KCNIP4: variants seen among roughly 807,000 people sequenced by gnomAD.
The protein encoded by KCNIP4 is potassium voltage-gated channel interacting protein 4.
KCNIP4 carries 12 observed loss-of-function variants against 34.0 expected under a neutral mutation model. That is an observed-to-expected ratio of 0.35 (90% CI 0.23 to 0.57). KCNIP4 has a LOEUF of 0.57. KCNIP4 is among the 20% of genes least tolerant of loss of function. KCNIP4 has a pLI of 0.83. For missense variants in KCNIP4, 238 were observed against 311.7 expected (o/e 0.76, Z 1.78); for synonymous variants, 124 against 102.2 (o/e 1.21, Z -1.29).
intron 1 of KCNIP4, among the ~76,000 whole-genome samples, chr4:21,629,377 T>C (rs1464358341): frequency 6.6e-6 from 1 of 152,222 alleles, no homozygotes; most frequent in Non-Finnish European, 1.5e-5. Context: ...TTAGCTTGCC[T>C]AGTTTCATGG....
chr4:21,879,912 C>CT (rs1272131395), intron 1 of KCNIP4, among the ~76,000 whole-genome samples: 3 of 151,996 alleles, frequency 2.0e-5, no homozygotes, highest in African/African-American at 7.2e-5. Context: ...TTATAAGGGG[C>CT]TTTTTTTCCC....
intron 1 of KCNIP4, among the ~76,000 whole-genome samples, chr4:21,302,877 T>C (rs186177966): frequency 1.3e-5 from 2 of 152,300 alleles, no homozygotes; most frequent in African/African-American, 4.8e-5. Context: ...GTAAATACAT[T>C]TATAATGTAT....
At position 21,883,715 on chromosome 4, in the gene KCNIP4, G is replaced by A. The variant is rs569379120; in HGVS notation, c.61+64856C>T. Among the ~76,000 whole-genome samples, 5 of 151,918 alleles carry A rather than the reference G, an allele frequency of 3.3e-5. No individual in the cohort carries two copies. In the East Asian group the frequency reaches 9.7e-4, roughly 30 times the overall value. ...TATCCACATTCTGTATCTTTTTTCGGCTATAGGCTTATTGAAAAATAGGGT... is the reference window on the plus strand; with the variant it reads ...TATCCACATTCTGTATCTTTTTTCGACTATAGGCTTATTGAAAAATAGGGT... On this transcript the variant is annotated intron_variant, in intron 1 of 8. Transcript: ENST00000382152.
intron 1 of KCNIP4, among the ~76,000 whole-genome samples, chr4:21,100,269 G>A (rs1747819167): frequency 6.6e-6 from 1 of 152,074 alleles, no homozygotes. Context: ...CCACAGCCTT[G>A]GCTGGGCACG....
chr4:21,833,653 C>T (rs1295827669), intron 1 of KCNIP4, among the ~76,000 whole-genome samples: 54 of 151,936 alleles, frequency 3.6e-4, no homozygotes, highest in South Asian at 1.9e-3. Context: ...GTTTTAGACA[C>T]GAAGTCCTTG....
chr4:21,802,634 T>A (rs1238429640), intron 1 of KCNIP4, among the ~76,000 whole-genome samples: 1 of 152,194 alleles, frequency 6.6e-6, no homozygotes, highest in Non-Finnish European at 1.5e-5. Context: ...TACTCATTGT[T>A]GTTTATCTTC....
chr4:21,716,527 C>G (rs1714395027), intron 1 of KCNIP4, among the ~76,000 whole-genome samples: 1 of 151,998 alleles, frequency 6.6e-6, no homozygotes, highest in Non-Finnish European at 1.5e-5. Flanking sequence ...GGAGCCACTG[C>G]CACCGTGCTG....
At chr4:21,260,451 A>G (rs923965620) in intron 1 of KCNIP4, among the ~76,000 whole-genome samples, 1 of 152,188 alleles carries the variant, frequency 6.6e-6, no homozygotes, top group African/African-American at 2.4e-5. Context: ...TTTGAATGAC[A>G]TGCCCATGAC....
At chr4:21,778,763 C>T (rs950675503) in intron 1 of KCNIP4, among the ~76,000 whole-genome samples, 3 of 152,048 alleles carry the variant, frequency 2.0e-5, no homozygotes, top group African/African-American at 7.2e-5. Context: ...AAGTATACTC[C>T]AGTGAAGTAA....
At chr4:21,214,533 T>C (rs1353193329) in intron 1 of KCNIP4, among the ~76,000 whole-genome samples, 4 of 152,214 alleles carry the variant, frequency 2.6e-5, no homozygotes, top group Non-Finnish European at 2.9e-5. Flanking sequence ...ATGTTTCCAC[T>C]AGTTTGATTA....
intron 1 of KCNIP4, among the ~76,000 whole-genome samples, chr4:21,582,673 T>G (rs538168488): frequency 3.9e-5 from 6 of 152,076 alleles, no homozygotes; most frequent in Admixed American, 3.9e-4. Context: ...TGAGTTAAAA[T>G]GTTTCTTTAT....
intron 1 of KCNIP4, among the ~76,000 whole-genome samples, chr4:21,755,939 A>AT (rs1482571625): frequency 2.9e-4 from 44 of 152,242 alleles, no homozygotes; most frequent in African/African-American, 1.0e-3. Context: ...TTTCCCTTAG[A>AT]TTTTATTAGA....
intron 1 of KCNIP4, among the ~76,000 whole-genome samples, chr4:21,187,890 A>C (rs1755358851): frequency 6.6e-6 from 1 of 152,196 alleles, no homozygotes; most frequent in East Asian, 1.9e-4. Flanking sequence ...CCCAGGGCTG[A>C]AAACTGTACC....
At chr4:20,851,371 T>G (rs1440612951) in intron 2 of KCNIP4, among the ~76,000 whole-genome samples, 1 of 152,188 alleles carries the variant, frequency 6.6e-6, no homozygotes, top group African/African-American at 2.4e-5. Context: ...TCTCTGTCCT[T>G]TTTATGGCTG....
At chr4:21,884,958 C>CCA (rs386356730) in intron 1 of KCNIP4, among the ~76,000 whole-genome samples, 1 of 150,976 alleles carries the variant, frequency 6.6e-6, no homozygotes, top group Admixed American at 6.6e-5. Flanking sequence ...GCCTCCCCCC[C>CCA]ACTACTGTTA....
intron 1 of KCNIP4, among the ~76,000 whole-genome samples, chr4:21,838,659 G>A (rs116148735): frequency 6.6e-6 from 1 of 152,270 alleles, no homozygotes; most frequent in Non-Finnish European, 1.5e-5. Flanking sequence ...ACAGCCATCA[G>A]CACTATGTTC....
At chr4:21,539,756 G>A (rs574960471) in intron 1 of KCNIP4, among the ~76,000 whole-genome samples, 6 of 152,162 alleles carry the variant, frequency 3.9e-5, no homozygotes, top group South Asian at 4.2e-4. Context: ...CCAGGCAGGC[G>A]GATCCCGAGG....
At chr4:21,568,608 G>A (rs1225858105) in intron 1 of KCNIP4, among the ~76,000 whole-genome samples, 1 of 152,112 alleles carries the variant, frequency 6.6e-6, no homozygotes, top group Admixed American at 6.5e-5. Context: ...TCTTTCTCCT[G>A]TGCTGGATGC....
intron 1 of KCNIP4, among the ~76,000 whole-genome samples, chr4:21,150,281 A>ATGTGTGTGTTTC (rs1752666444): frequency 6.6e-6 from 1 of 151,548 alleles, no homozygotes; most frequent in Non-Finnish European, 1.5e-5. Flanking sequence ...TGGGAGTGTT[A>ATGTGTGTGTTTC]ATGAGGGTAA....
Sources: gnomAD v4.1 joint callset for allele counts (sites outside exome capture counted in the v4.1 genomes callset) on GRCh38, gnomAD v4.1.1 for gene constraint, MANE v1.5 for transcripts, NCBI Gene and HGNC (gene_info 2026-07-23, HGNC 2026-07-21) for gene names.